The following SLC22A15 variants were observed in gnomAD, a reference collection of about 807,000 sequenced individuals.
SLC22A15 encodes solute carrier family 22 member 15, also known as flipt 1.
In SLC22A15, 45 loss-of-function variants were observed where a neutral mutation model predicts 62.7. The observed-to-expected ratio is 0.72, with a 90% CI of 0.56 to 0.92. SLC22A15 has a LOEUF of 0.92. Ranked by LOEUF, SLC22A15 falls within the 40% of genes least tolerant of loss-of-function variation. The pLI is 0.00. For synonymous variants in SLC22A15, 264 were observed against 267.0 expected (o/e 0.99, Z 0.11); for missense variants, 622 against 665.6 (o/e 0.93, Z 0.72).
chr1:116,019,387 A>G (rs1656704253), intron 2 of SLC22A15, among the ~76,000 whole-genome samples, 195 bp from the exon 3 acceptor site: 1 of 152,234 alleles, frequency 6.6e-6, no homozygotes, highest in Non-Finnish European at 1.5e-5. Flanking sequence ...GTGCATCATA[A>G]TAATAGTGAT....
intron 2 of SLC22A15, among the ~76,000 whole-genome samples, chr1:116,013,161 G>A (rs554797608): frequency 3.3e-5 from 5 of 152,228 alleles, no homozygotes; most frequent in African/African-American, 1.2e-4. Flanking sequence ...CATGGGTTGG[G>A]GGCAGCCCAG....
At chr1:116,002,651 T>C (rs868037218) in intron 2 of SLC22A15, among the ~76,000 whole-genome samples, 1 of 152,018 alleles carries the variant, frequency 6.6e-6, no homozygotes, top group Non-Finnish European at 1.5e-5. Context: ...GTGGTAACTA[T>C]TGCCTGGCTA....
At chr1:115,985,379 C>T (rs1654805663) in intron 1 of SLC22A15, among the ~76,000 whole-genome samples, 1 of 152,144 alleles carries the variant, frequency 6.6e-6, no homozygotes, top group African/African-American at 2.4e-5. Flanking sequence ...TGTAAGTGCA[C>T]TCTGACGTTT....
At chr1:116,055,282 C>T (rs1057223711) in intron 8 of SLC22A15, among the ~76,000 whole-genome samples, 15 of 152,270 alleles carry the variant, frequency 9.9e-5, no homozygotes, top group South Asian at 4.1e-4. Flanking sequence ...AACACCTCTA[C>T]GCAAATAAAC....
At chr1:116,040,566 A>ATT (rs1657751647) in intron 8 of SLC22A15, among the ~76,000 whole-genome samples, 1 of 152,138 alleles carries the variant, frequency 6.6e-6, no homozygotes, top group Admixed American at 6.6e-5. Flanking sequence ...TCCAACTCTA[A>ATT]AGTCAGTCCT....
In SLC22A15 at chr1:116,010,296, TTGAC is replaced by T. The variant is rs199695626; in HGVS notation, c.301-9279_301-9276del. Among the ~76,000 whole-genome samples, 544 of 152,342 alleles carry T rather than the reference TTGAC, an allele frequency of 3.6e-3. 2 individuals carry two copies. Among genetic ancestry groups the T allele is most frequent in the African/African-American group, 0.012 (512 of 41,586 alleles). ...CACTGTGGATATTGAAGAGCTGAAATTGACTGACTGTTATCTTGAGATTAATATA... is the reference window on the plus strand; with the variant it reads ...CACTGTGGATATTGAAGAGCTGAAATTGACTGTTATCTTGAGATTAATATA... On this transcript the variant is annotated intron_variant, in intron 2 of 11. Coordinates refer to ENST00000369503, the MANE Select transcript of SLC22A15 (RefSeq NM_018420.3).
rs375814433 is a variant in SLC22A15 at position 116,064,471 on chromosome 1, G to A, written c.1328G>A (p.Arg443Gln). ...CTTGGAACTTGTTCCATGTTCTCCC[G>A]AGTTGGTGGGATTATTGCTCCCTTC... ...VGLGTCSMFS[R>Q]VGGIIAPFIP... The change falls in exon 10 of 12, where the codon CGA (arginine) becomes CAA (glutamine). Residue 443 changes from arginine to glutamine, a missense_variant. Coordinates refer to ENST00000369503, the MANE Select transcript of SLC22A15 (RefSeq NM_018420.3). The A allele has an allele frequency of 5.9e-5, 95 of 1,613,420 alleles. No individual in the cohort carries two copies. Among genetic ancestry groups the A allele is most frequent in the Non-Finnish European group, 7.6e-5 (90 of 1,179,612 alleles).
rs1657371511 is a variant in SLC22A15, at chr1:116,031,066, ATAT to A, written c.729-298_729-296del. Reference sequence around the variant, plus strand: ...GTCCTATAGACTGAATAATATGTTAATATTTAACATATTAAAATTCACATATTA... The same window carrying A: ...GTCCTATAGACTGAATAATATGTTAATTAACATATTAAAATTCACATATTA... On this transcript the variant is annotated intron_variant, in intron 5 of 11. Coordinates refer to ENST00000369503, the MANE Select transcript of SLC22A15 (RefSeq NM_018420.3). Among the ~76,000 whole-genome samples, 3 of 152,246 alleles carry A rather than the reference ATAT, an allele frequency of 2.0e-5. No homozygotes were observed. In the South Asian group the frequency reaches 6.2e-4, roughly 32 times the overall value.
rs192197387 is a variant in SLC22A15, at chr1:116,067,546, C to T, written c.*438C>T. ...CCTTATACCATGTTGGACATTTGCC[C>T]CTATCAGTTGCTCCTCAGGAATCTT... is the stretch of plus-strand genomic sequence containing the variant. On this transcript the variant is annotated 3_prime_UTR_variant, in exon 12 of 12. Coordinates refer to ENST00000369503, the MANE Select transcript of SLC22A15 (RefSeq NM_018420.3). 7.7e-4 allele frequency: 121 copies of T among 157,592 alleles called. No individual in the cohort carries two copies. The highest frequency in any genetic ancestry group is 1.2e-3 in the Admixed American group (20 of 16,080). The allele number at this position is 157,592 out of a possible 1,614,324, so 9.8% of individuals were successfully genotyped here.
At chr1:116,042,640 A>G (rs1657817766) in intron 8 of SLC22A15, among the ~76,000 whole-genome samples, 1 of 152,222 alleles carries the variant, frequency 6.6e-6, no homozygotes, top group Non-Finnish European at 1.5e-5. Context: ...CAGTTCATCA[A>G]GAGGATAGAG....
intron 1 of SLC22A15, among the ~76,000 whole-genome samples, chr1:115,991,766 G>A (rs2101091068): frequency 6.6e-6 from 1 of 152,288 alleles, no homozygotes; most frequent in East Asian, 1.9e-4. Context: ...AGTGTCTTTA[G>A]CATCAGAAAT....
chr1:115,986,528 A>G (rs1654873701), intron 1 of SLC22A15, among the ~76,000 whole-genome samples: 1 of 152,222 alleles, frequency 6.6e-6, no homozygotes, highest in South Asian at 2.1e-4. Flanking sequence ...TCAGAGAGAT[A>G]TCTGAGCTTG....
intron 8 of SLC22A15, among the ~76,000 whole-genome samples, chr1:116,060,278 G>T (rs539474914): frequency 1.3e-5 from 2 of 152,328 alleles, no homozygotes; most frequent in East Asian, 3.9e-4. Flanking sequence ...AATGGCAACT[G>T]CAGACCCCAT....
intron 2 of SLC22A15, among the ~76,000 whole-genome samples, chr1:116,004,536 A>G (rs1467014169): frequency 1.3e-5 from 2 of 152,202 alleles, no homozygotes; most frequent in Non-Finnish European, 2.9e-5. Context: ...CCAGCCTTGC[A>G]TCTTTGGGTA....
intron 1 of SLC22A15, among the ~76,000 whole-genome samples, chr1:115,984,421 A>G (rs1654756108): frequency 6.6e-6 from 1 of 152,160 alleles, no homozygotes; most frequent in African/African-American, 2.4e-5. Context: ...AGTATGGCTA[A>G]TATAGCATTC....
At chr1:116,062,937 CTTG>C (rs1658417966) in intron 9 of SLC22A15, 55 bp downstream of exon 9, 1 of 1,595,608 alleles carries the variant, frequency 6.3e-7, no homozygotes, top group Non-Finnish European at 8.6e-7. Flanking sequence ...GTCATCCATT[CTTG>C]CACCAACAGA....
At chr1:116,036,545 G>A (rs778574193) in intron 7 of SLC22A15, among the ~76,000 whole-genome samples, 1 of 152,118 alleles carries the variant, frequency 6.6e-6, no homozygotes, top group Non-Finnish European at 1.5e-5. Flanking sequence ...CCATGTGTTC[G>A]TTTTATGACT....
Position 115,992,193 on chromosome 1 carries a change from A to G in SLC22A15, c.250A>G (p.Ile84Val). Reference sequence around the variant, plus strand: ...GCTCCTGACAGCCAACGGCAGTGAGATCCATAAGCACGTGCATTTCAGCAG... The same window carrying G: ...GCTCCTGACAGCCAACGGCAGTGAGGTCCATAAGCACGTGCATTTCAGCAG... The part of the protein sequence containing the change: ...DWLLTANGSE[I>V]HKHVHFSSSF... Residue 84 changes from isoleucine to valine, a missense_variant, in exon 2 of 12, where the codon ATC (isoleucine) becomes GTC (valine). Coordinates refer to ENST00000369503, the MANE Select transcript of SLC22A15 (RefSeq NM_018420.3). 6.2e-7 allele frequency: 1 copy of G among 1,609,110 alleles called. No homozygotes were observed. The highest frequency in any genetic ancestry group is 2.2e-5 in the East Asian group (1 of 44,730).
In SLC22A15 at chr1:115,992,078, G is replaced by T. The variant is rs750940801; in HGVS notation, c.135G>T (p.Thr45=). The T allele has an allele frequency of 1.2e-6, 2 of 1,613,760 alleles. No individual in the cohort carries two copies. The highest frequency in any genetic ancestry group is 1.7e-6 in the Non-Finnish European group (2 of 1,179,872). Residue 45 remains threonine (T), a synonymous_variant, in exon 2 of 12, where the codon ACG becomes ACT. Transcript: ENST00000369503. ...EAILIALVGA[T]PSYHWDLAEL... ...TCCTCATTGCACTGGTTGGGGCCAC[G>T]CCATCCTACCACTGGGACCTGGCAG...
Sources: gnomAD v4.1 joint callset for allele counts (sites outside exome capture counted in the v4.1 genomes callset) on GRCh38, gnomAD v4.1.1 for gene constraint, MANE v1.5 for transcripts, NCBI Gene and HGNC (gene_info 2026-07-23, HGNC 2026-07-21) for gene names.